Variants in DCAF8 observed in about 807,000 individuals in gnomAD.
DCAF8 encodes DDB1- and CUL4-associated factor 8.
DCAF8 carries 20 observed loss-of-function variants against 68.0 expected under a neutral mutation model. The ratio of observed to expected loss-of-function variants is 0.29; its 90% CI spans 0.21 to 0.43. DCAF8 has a LOEUF of 0.43. Ranked by LOEUF, DCAF8 falls within the 20% of genes least tolerant of loss-of-function variation. The pLI is 1.00. For missense variants in DCAF8, 460 were observed against 771.0 expected (o/e 0.60, Z 4.78); for synonymous variants, 230 against 276.9 (o/e 0.83, Z 1.68).
At chr1:160,225,541 T>C (rs1388311742) in intron 8 of DCAF8, 50 bp downstream of exon 8, 1 of 1,455,922 alleles carries the variant, frequency 6.9e-7, no homozygotes, top group South Asian at 1.2e-5. Flanking sequence ...GGTGCAGCCT[T>C]GGGGTTGAGT....
intron 5 of DCAF8, among the ~76,000 whole-genome samples, chr1:160,237,482 C>G (rs1207324462): frequency 6.6e-6 from 1 of 152,198 alleles, no homozygotes; most frequent in Middle Eastern, 3.2e-3. Context: ...ACTAAGTCCT[C>G]AAGAGATATG....
At chr1:160,242,705 C>G (rs1482581965) in intron 3 of DCAF8, among the ~76,000 whole-genome samples, 1 of 152,072 alleles carries the variant, frequency 6.6e-6, no homozygotes, top group Non-Finnish European at 1.5e-5. Context: ...GGAGCTCCAC[C>G]ACAACTACTC....
At chr1:160,239,036 GA>G in intron 4 of DCAF8, 1 of 523,900 alleles carries the variant, frequency 1.9e-6, no homozygotes, top group Non-Finnish European at 2.6e-6. Flanking sequence ...TAGCAGAGGA[GA>G]AAAGGAATAG....
intron 4 of DCAF8, 68 bp downstream of exon 4, chr1:160,239,629 T>C: frequency 6.2e-7 from 1 of 1,614,060 alleles, no homozygotes; most frequent in Non-Finnish European, 8.5e-7. Flanking sequence ...TCCCAATCCA[T>C]GCTGCAGTTC....
intron 2 of DCAF8, among the ~76,000 whole-genome samples, chr1:160,247,065 T>A (rs755198024): frequency 5.3e-5 from 8 of 152,380 alleles, no homozygotes; most frequent in South Asian, 2.1e-4. Flanking sequence ...CAAACTATCT[T>A]CTTCACTTTT....
chr1:160,254,615 A>G (rs1656753083), intron 2 of DCAF8, among the ~76,000 whole-genome samples: 2 of 152,018 alleles, frequency 1.3e-5, no homozygotes, highest in South Asian at 4.1e-4. Flanking sequence ...AACATGGTAA[A>G]ACCCCATTTC....
At chr1:160,234,199 T>A (rs532763679) in intron 6 of DCAF8, among the ~76,000 whole-genome samples, 1 of 148,550 alleles carries the variant, frequency 6.7e-6, no homozygotes, top group South Asian at 2.2e-4. Flanking sequence ...GACAAGATCA[T>A]GCCACTGTAC....
At chr1:160,230,723 C>T (rs188089715) in intron 7 of DCAF8, among the ~76,000 whole-genome samples, 71 of 152,160 alleles carry the variant, frequency 4.7e-4, no homozygotes, top group Admixed American at 4.5e-3. Flanking sequence ...TTAGCTGCCA[C>T]GTGAGGACCT....
At chr1:160,235,477 C>T (rs1194869595) in intron 6 of DCAF8, among the ~76,000 whole-genome samples, 1 of 151,804 alleles carries the variant, frequency 6.6e-6, no homozygotes, top group African/African-American at 2.4e-5. Flanking sequence ...AGATATCTAT[C>T]AATAAGGTAA....
At chr1:160,253,222 T>C (rs1455022766) in intron 2 of DCAF8, among the ~76,000 whole-genome samples, 1 of 152,106 alleles carries the variant, frequency 6.6e-6, no homozygotes, top group Non-Finnish European at 1.5e-5. Context: ...GAGGATAGGC[T>C]GGGCGCAGTG....
rs4656893 is a variant in DCAF8, at chr1:160,250,652, A to C, written c.-26-6618T>G. On this transcript the variant is annotated intron_variant, in intron 2 of 13. Transcript: ENST00000368074. The stretch of plus-strand genomic sequence containing the variant: ...TGTCCAGACTTCTCACTTGAAAACG[A>C]AAGTGCTGAAAGGATTTTTGCTGCA... Among the ~76,000 whole-genome samples, 884 of 152,272 alleles carry C rather than the reference A, an allele frequency of 5.8e-3. 6 individuals carry two copies. The highest frequency in any genetic ancestry group is 9.4e-3 in the Non-Finnish European group (637 of 68,022).
chr1:160,225,679 C>T lies in DCAF8; in HGVS notation c.1071-16G>A, dbSNP rs762629924. The T allele has an allele frequency of 6.2e-7, 1 of 1,606,010 alleles. No individual in the cohort carries two copies. The highest frequency in any genetic ancestry group is 2.2e-5 in the East Asian group (1 of 44,786). ...GTCATAAATCCTACAGTTGGAAAAG[C>T]AATGAAAATGTAAAAATGTACAAAC... is the stretch of plus-strand genomic sequence containing the variant. On this transcript the variant is annotated splice_polypyrimidine_tract_variant and intron_variant, in intron 7 of 13. Transcript: ENST00000368074.
intron 3 of DCAF8, 43 bp from the exon 4 acceptor site, chr1:160,240,413 G>A (rs766189485): frequency 6.5e-7 from 1 of 1,530,886 alleles, no homozygotes; most frequent in South Asian, 1.2e-5. Flanking sequence ...GGAAAAATAA[G>A]AAAACAGGAT....
intron 12 of DCAF8, 123 bp from the exon 13 acceptor site, chr1:160,218,563 T>C (rs1284801142): frequency 3.6e-6 from 3 of 833,430 alleles, no homozygotes; most frequent in Non-Finnish European, 6.0e-6. Flanking sequence ...CTACATTAGA[T>C]TAGGAAATGA....
At chr1:160,239,509 G>C in intron 4 of DCAF8, 188 bp downstream of exon 4, 3 of 1,494,904 alleles carry the variant, frequency 2.0e-6, no homozygotes, top group Non-Finnish European at 2.7e-6. Context: ...CAGTCCACAT[G>C]CTCAAGGAAT....
intron 2 of DCAF8, among the ~76,000 whole-genome samples, chr1:160,261,047 C>G (rs1360814987): frequency 6.6e-6 from 1 of 152,208 alleles, no homozygotes; most frequent in African/African-American, 2.4e-5. Context: ...GGCACACATT[C>G]ACTTCTAGGC....
At chr1:160,248,167 C>T (rs563792771) in intron 2 of DCAF8, among the ~76,000 whole-genome samples, 3 of 151,954 alleles carry the variant, frequency 2.0e-5, no homozygotes, top group Non-Finnish European at 2.9e-5. Context: ...ATTAGCCGGG[C>T]GTGGTGGCAC....
intron 2 of DCAF8, among the ~76,000 whole-genome samples, chr1:160,251,119 C>CCCATATTA (rs1254501256): frequency 2.6e-5 from 4 of 152,136 alleles, no homozygotes; most frequent in Non-Finnish European, 5.9e-5. Context: ...TTAAATGAGA[C>CCCATATTA]AAGGTTTTAG....
At position 160,217,652 on chromosome 1, in the gene DCAF8, G is replaced by C. The variant is rs1356679712; in HGVS notation, c.1734C>G (p.Ser578Arg). Residue 578 changes from serine to arginine, a missense_variant, in exon 14 of 14, where the codon AGC becomes AGG. This residue lies in a region of DCAF8 where 80 missense variants were observed against 115.1 expected (regional missense o/e 0.70). Transcript: ENST00000368074. ...CCTCCTCGTCCGATGTGTCTGAGGA[G>C]CTGGGAGACTCATCAGAGTCCGCGT... Reference protein sequence around the residue: ...ATDADSDESPSSSDTSDEEEG... With the variant: ...ATDADSDESPRSSDTSDEEEG... 2 of 1,614,172 alleles carry C rather than the reference G, an allele frequency of 1.2e-6. No individual in the cohort carries two copies. The highest frequency in any genetic ancestry group is 1.7e-6 in the Non-Finnish European group (2 of 1,180,030).
Sources: allele counts gnomAD v4.1 joint callset (sites outside exome capture counted in the v4.1 genomes callset), GRCh38; gene constraint gnomAD v4.1.1; regional missense constraint gnomAD v4.1.1; transcripts MANE v1.5; gene names NCBI Gene and HGNC (gene_info 2026-07-23, HGNC 2026-07-21).